MITF: variants seen among roughly 807,000 people sequenced by gnomAD.
MITF encodes the protein microphthalmia-associated transcription factor.
In MITF, 17 loss-of-function variants were observed where a neutral mutation model predicts 60.5. The ratio of observed to expected loss-of-function variants is 0.28; its 90% confidence interval spans 0.19 to 0.42. The LOEUF (loss-of-function observed/expected upper bound fraction) is 0.42. MITF is among the 10% of genes least tolerant of loss of function. MITF has a pLI of 1.00. For synonymous variants in MITF, 260 were observed against 248.5 expected (o/e 1.05, Z -0.43); for missense variants, 622 against 683.5 (o/e 0.91, Z 1.00).
At chr3:69,913,372 T>C (rs1202592755) in intron 2 of MITF, among the ~76,000 whole-genome samples, 1 of 152,160 alleles carries the variant, frequency 6.6e-6, no homozygotes, top group Non-Finnish European at 1.5e-5. Context: ...CACTTCCACC[T>C]AAAGATATGA....
intron 2 of MITF, among the ~76,000 whole-genome samples, chr3:69,915,213 A>G (rs993709808): frequency 6.6e-5 from 10 of 152,186 alleles, no homozygotes; most frequent in African/African-American, 2.4e-4. Context: ...CACATATTAC[A>G]TTTGATTGTA....
intron 2 of MITF, among the ~76,000 whole-genome samples, chr3:69,922,798 G>C (rs1410210720): frequency 1.3e-5 from 2 of 152,146 alleles, no homozygotes; most frequent in African/African-American, 4.8e-5. Context: ...TTGTTTGTTT[G>C]CTGACTGACC....
At chr3:69,958,287 G>A (rs935256597) in intron 8 of MITF, among the ~76,000 whole-genome samples, 18 of 152,076 alleles carry the variant, frequency 1.2e-4, no homozygotes, top group Non-Finnish European at 2.5e-4. Flanking sequence ...TTTGATCTTA[G>A]CTCTGAATAT....
At chr3:69,748,981 T>C (rs1020756159) in intron 1 of MITF, among the ~76,000 whole-genome samples, 1 of 152,230 alleles carries the variant, frequency 6.6e-6, no homozygotes, top group Non-Finnish European at 1.5e-5. Context: ...TTGGTACCTT[T>C]ACCATAAAAT....
chr3:69,889,503 AT>A (rs1391168699), intron 2 of MITF, among the ~76,000 whole-genome samples: 30 of 151,858 alleles, frequency 2.0e-4, no homozygotes, highest in East Asian at 9.6e-4. Flanking sequence ...AAAAAAAAAA[AT>A]AGTGAAACTA....
At chr3:69,819,420 G>C (rs1431203812) in intron 1 of MITF, among the ~76,000 whole-genome samples, 1 of 152,202 alleles carries the variant, frequency 6.6e-6, no homozygotes, top group African/African-American at 2.4e-5. Context: ...TTGCATGTCT[G>C]GTTCTGGAAG....
Position 69,965,119 on chromosome 3 carries a change from C to T in MITF, c.1452C>T (p.Ile484=). Reference sequence around the variant, plus strand: ...AAATGGGATCCAAACTGGAAGACATCCTGATGGACGACACCCTTTCTCCCG... The same window carrying T: ...AAATGGGATCCAAACTGGAAGACATTCTGATGGACGACACCCTTTCTCCCG... ...PTKMGSKLED[I]LMDDTLSPVG... The change falls in exon 10 of 10, where the codon ATC becomes ATT. Residue 484 remains isoleucine, a synonymous_variant. Coordinates refer to ENST00000352241, the MANE Select transcript of MITF (RefSeq NM_001354604.2). The T allele has an allele frequency of 6.2e-7, 1 of 1,614,106 alleles. No individual in the cohort carries two copies. Among genetic ancestry groups the T allele is most frequent in the Non-Finnish European group, 8.5e-7 (1 of 1,180,004 alleles).
chr3:69,746,102 A>G (rs1043038249), intron 1 of MITF, among the ~76,000 whole-genome samples: 2 of 152,198 alleles, frequency 1.3e-5, no homozygotes, highest in South Asian at 2.1e-4. Flanking sequence ...TTGTGGTATG[A>G]TTAGAGGGAA....
At chr3:69,802,517 G>A (rs2062937381) in intron 1 of MITF, among the ~76,000 whole-genome samples, 1 of 152,024 alleles carries the variant, frequency 6.6e-6, no homozygotes, top group Non-Finnish European at 1.5e-5. Context: ...CAAATATGGT[G>A]TCATGGGGTG....
chr3:69,932,620 A>G (rs2065748666), intron 2 of MITF, among the ~76,000 whole-genome samples: 1 of 152,098 alleles, frequency 6.6e-6, no homozygotes, highest in Non-Finnish European at 1.5e-5. Flanking sequence ...TGTTGTTTTT[A>G]CTTTTTGTTA....
chr3:69,951,204 C>G (rs1016440628), intron 6 of MITF, among the ~76,000 whole-genome samples: 1 of 148,554 alleles, frequency 6.7e-6, no homozygotes, highest in Non-Finnish European at 1.5e-5. Context: ...CTCAAGTGAT[C>G]CTCCCACCTC....
chr3:69,954,580 T>G (rs1266889333), intron 7 of MITF, among the ~76,000 whole-genome samples: 1 of 152,186 alleles, frequency 6.6e-6, no homozygotes, highest in African/African-American at 2.4e-5. Context: ...CGTGTCTGGC[T>G]TGCTTGAGGA....
intron 2 of MITF, among the ~76,000 whole-genome samples, chr3:69,932,227 C>G (rs1247534228): frequency 6.6e-6 from 1 of 152,206 alleles, no homozygotes; most frequent in Non-Finnish European, 1.5e-5. Flanking sequence ...CCTGCAGACT[C>G]TGTTGCTACT....
intron 1 of MITF, among the ~76,000 whole-genome samples, chr3:69,765,629 G>C (rs1027983286): frequency 6.6e-6 from 1 of 152,190 alleles, no homozygotes; most frequent in Admixed American, 6.5e-5. Context: ...AATATTTGCT[G>C]TAAGCTGGTG....
At chr3:69,817,722 A>G (rs958367663) in intron 1 of MITF, among the ~76,000 whole-genome samples, 2 of 152,166 alleles carry the variant, frequency 1.3e-5, no homozygotes, top group African/African-American at 4.8e-5. Flanking sequence ...ATGTATGGGT[A>G]TGTTATATTC....
In MITF at chr3:69,739,689, C is replaced by T; in HGVS notation, c.92C>T (p.Pro31Leu). The change falls in exon 1 of 10, where the codon CCG becomes CTG. Residue 31 changes from proline to leucine, a missense_variant. Pro to Leu is a moderately conservative substitution (Grantham distance 98, BLOSUM62 -3). Around this residue, in one of 5 missense-constraint regions of MITF, gnomAD observed 149 missense variants for 157.8 expected, o/e 0.94. Transcript: ENST00000352241. ...ACCTATTACGAACTCAAAAGTCAAC[C>T]GCTGAAGAGCAGGTGAGTGGTGACA... ...PKTYYELKSQPLKSSSSAEHP... is the reference protein window; with the variant it reads ...PKTYYELKSQLLKSSSSAEHP... 1 of 1,570,490 alleles carries T rather than the reference C, an allele frequency of 6.4e-7. No homozygotes were observed. The highest frequency in any genetic ancestry group is 1.2e-5 in the South Asian group (1 of 85,628).
At chr3:69,896,958 C>T (rs967580235) in intron 2 of MITF, among the ~76,000 whole-genome samples, 34 of 152,056 alleles carry the variant, frequency 2.2e-4, no homozygotes, top group Admixed American at 6.6e-5. Context: ...GGGTTATACC[C>T]AAAAGACTAG....
chr3:69,879,030 G>C, intron 1 of MITF, 104 bp from the exon 2 acceptor site: 1 of 873,076 alleles, frequency 1.1e-6, no homozygotes, highest in Non-Finnish European at 1.9e-6. Flanking sequence ...TTATATTTGC[G>C]CAGACTCATT....
intron 2 of MITF, among the ~76,000 whole-genome samples, chr3:69,913,258 T>C (rs1224582549): frequency 6.6e-6 from 1 of 152,054 alleles, no homozygotes; most frequent in Non-Finnish European, 1.5e-5. Flanking sequence ...GTGGGGGCTT[T>C]TTGTATTTGT....
Sources: allele counts gnomAD v4.1 joint callset (sites outside exome capture counted in the v4.1 genomes callset), GRCh38; gene constraint gnomAD v4.1.1; regional missense constraint gnomAD v4.1.1; transcripts MANE v1.5; gene names NCBI Gene and HGNC (gene_info 2026-07-23, HGNC 2026-07-21).